GAREM2: variants seen among roughly 807,000 people sequenced by gnomAD.
GAREM2 encodes the protein GRB2 associated regulator of MAPK1 subtype 2.
GAREM2 carries 30 observed loss-of-function variants against 55.6 expected under a neutral mutation model. The observed-to-expected ratio is 0.54, with a 90% CI of 0.40 to 0.73. The LOEUF (loss-of-function observed/expected upper bound fraction) is 0.73. Ranked by LOEUF, GAREM2 falls within the 30% of genes least tolerant of loss-of-function variation. The pLI, the probability that GAREM2 is intolerant of heterozygous loss-of-function variation, is 0.00. For synonymous variants in GAREM2, 550 were observed against 569.1 expected (o/e 0.97, Z 0.48); for missense variants, 1,075 against 1,257.7 (o/e 0.85, Z 2.20).
chr2:26,197,254 A>G, the GAREM2 span, among the ~76,000 whole-genome samples: 2 of 152,182 alleles, frequency 1.3e-5, no homozygotes, highest in Admixed American at 1.3e-4. Context: ...CAGCCCTTTC[A>G]TGTCCCGGGG....
Position 26,184,938 on chromosome 2 carries a change from G to A in GAREM2, c.1090G>A (p.Ala364Thr). The change falls in exon 4 of 6, where the codon GCG (alanine) becomes ACG (threonine). Residue 364 changes from alanine to threonine, a missense_variant. Physicochemically the swap from Ala to Thr is moderately conservative, Grantham distance 58. Around this residue, in one of 6 missense-constraint regions of GAREM2, gnomAD observed 170 missense variants for 220.7 expected, o/e 0.77. Coordinates refer to ENST00000401533, the MANE Select transcript of GAREM2 (RefSeq NM_001168241.2). ...PDEYSTAVRE[A>T]PAELAEDCAS... is the part of the protein sequence containing the mutation. Reference sequence around the variant, plus strand: ...CGAGTACTCCACGGCCGTGCGCGAGGCGCCAGCGGAGCTCGCCGAAGACTG... The same window carrying A: ...CGAGTACTCCACGGCCGTGCGCGAGACGCCAGCGGAGCTCGCCGAAGACTG... 1 of 1,294,986 alleles carries A rather than the reference G, an allele frequency of 7.7e-7. No homozygotes were observed. The highest frequency in any genetic ancestry group is 9.8e-7 in the Non-Finnish European group (1 of 1,023,386). The allele number at this position is 1,294,986 out of a possible 1,614,324, so 80.2% of individuals were successfully genotyped here. A position where few individuals can be genotyped will look rare whatever the true frequency, so the allele number is the denominator to read the frequency against.
chr2:26,178,047 G>A (rs1259752129), intron 2 of GAREM2, among the ~76,000 whole-genome samples: 8 of 152,204 alleles, frequency 5.3e-5, no homozygotes, highest in Admixed American at 5.2e-4. Context: ...GTCTCCCTGA[G>A]CCAGGAGGAC....
Position 26,187,932 on chromosome 2 carries a change from C to T in GAREM2, c.2300C>T (p.Ala767Val), listed in dbSNP as rs549984945. Residue 767 changes from alanine to valine, a missense_variant, in exon 6 of 6, where the codon GCG becomes GTG. Transcript: ENST00000401533. ...LSPAALQGPE[A>V]GGALFLTQGR... ...CCAGCTGCTCTGCAGGGACCCGAGG[C>T]GGGAGGAGCACTTTTTCTAACCCAA... is the stretch of plus-strand genomic sequence containing the variant. 31 of 1,451,184 alleles carry T rather than the reference C, an allele frequency of 2.1e-5. No individual in the cohort carries two copies. The East Asian group carries it at 3.3e-4, about 16-fold the overall frequency. 89.9% of individuals were successfully genotyped at this position (1,451,184 alleles called of 1,614,324 possible). A position where few individuals can be genotyped will look rare whatever the true frequency, so the allele number is the denominator to read the frequency against.
chr2:26,192,485 T>C, downstream of GAREM2: 1 of 967,712 alleles, frequency 1.0e-6, no homozygotes, highest in East Asian at 2.4e-5. Context: ...TGTTACTATT[T>C]GTTCTCAGAA....
At position 26,187,345 on chromosome 2, in the gene GAREM2, C is replaced by T. The variant is rs1019972; in HGVS notation, c.1713C>T (p.Pro571=). 0.046 allele frequency: 71,527 copies of T among 1,542,236 alleles called. 1,921 individuals are homozygous for T. The highest frequency in any genetic ancestry group is 0.071 in the Middle Eastern group (425 of 5,954). Residue 571 remains proline, a synonymous_variant, in exon 6 of 6, where the codon CCC becomes CCT. Transcript: ENST00000401533. ...GCGAGTCCTCTAGCCGCCCAGCCCC[C>T]GGTCCCCTACCCTCAACCACACAGC... The part of the protein sequence containing the change: ...KVGESSSRPA[P]GPLPSTTQPS...
intron 1 of GAREM2, among the ~76,000 whole-genome samples, chr2:26,175,176 G>C (rs1473983332): frequency 6.6e-6 from 1 of 152,158 alleles, no homozygotes; most frequent in Non-Finnish European, 1.5e-5. Flanking sequence ...TTGATTGGCA[G>C]AAATTTTGTA....
rs1669178795 is a variant in GAREM2, at chr2:26,184,845, G to C, written c.997G>C (p.Gly333Arg). The change falls in exon 4 of 6, where the codon GGG (glycine) becomes CGG (arginine). Residue 333 changes from glycine to arginine, a missense_variant. Around this residue, in one of 6 missense-constraint regions of GAREM2, gnomAD observed 170 missense variants for 220.7 expected, o/e 0.77. Transcript: ENST00000401533. The stretch of plus-strand genomic sequence containing the variant: ...CGCGCTGCCGCAGGGCCTGCTGGCC[G>C]GGGACCCGCGCGTCGAGCGCCTGGT... Reference protein sequence around the residue: ...RFALPQGLLAGDPRVERLVRD... With the variant: ...RFALPQGLLARDPRVERLVRD... 6.8e-7 allele frequency: 1 copy of C among 1,474,274 alleles called. No homozygotes were observed. The highest frequency in any genetic ancestry group is 8.9e-7 in the Non-Finnish European group (1 of 1,121,490). 91.3% of individuals were successfully genotyped at this position (1,474,274 alleles called of 1,614,324 possible).
chr2:26,182,264 C>T (rs1669074450), intron 2 of GAREM2: 2 of 1,430,488 alleles, frequency 1.4e-6, no homozygotes, highest in Non-Finnish European at 1.8e-6. Context: ...CACGCAGCCC[C>T]AGACTGCAGG....
chr2:26,185,817 C>T (rs995781410), intron 4 of GAREM2, among the ~76,000 whole-genome samples: 1 of 152,186 alleles, frequency 6.6e-6, no homozygotes, highest in Non-Finnish European at 1.5e-5. Context: ...AGGTGGCAGA[C>T]GCTTCCTTCC....
chr2:26,184,915 A>T lies in GAREM2; in HGVS notation c.1067A>T (p.Glu356Val). ...TGCCGCGAGCGCTTCGACCCCGACG[A>T]GTACTCCACGGCCGTGCGCGAGGCG... is the stretch of plus-strand genomic sequence containing the variant. Reference protein sequence around the residue: ...SYCRERFDPDEYSTAVREAPA... With the variant: ...SYCRERFDPDVYSTAVREAPA... Residue 356 changes from glutamate (E) to valine (V), a missense_variant, in exon 4 of 6, where the codon GAG becomes GTG. Around this residue, in one of 6 missense-constraint regions of GAREM2, gnomAD observed 170 missense variants for 220.7 expected, o/e 0.77. Transcript: ENST00000401533. 7.0e-7 allele frequency: 1 copy of T among 1,438,674 alleles called. No individual in the cohort carries two copies. Among genetic ancestry groups the T allele is most frequent in the Non-Finnish European group, 9.0e-7 (1 of 1,105,514 alleles). The allele number at this position is 1,438,674 out of a possible 1,614,324, so 89.1% of individuals were successfully genotyped here. A position where few individuals can be genotyped will look rare whatever the true frequency, so the allele number is the denominator to read the frequency against.
At chr2:26,176,540 G>A in intron 2 of GAREM2, 56 bp downstream of exon 2, 2 of 1,411,430 alleles carry the variant, frequency 1.4e-6, no homozygotes, top group Non-Finnish European at 1.9e-6. Flanking sequence ...AGGCAGGAGG[G>A]ACTGGGGCCA....
chr2:26,176,086 C>T (rs911519014), intron 1 of GAREM2, among the ~76,000 whole-genome samples: 2 of 152,186 alleles, frequency 1.3e-5, no homozygotes, highest in South Asian at 2.1e-4. Flanking sequence ...GAGCCAGGGA[C>T]AGCAGGCATT....
the GAREM2 span, among the ~76,000 whole-genome samples, chr2:26,198,766 AG>A: frequency 6.6e-6 from 1 of 152,130 alleles, no homozygotes; most frequent in South Asian, 2.1e-4. Flanking sequence ...TCAAGAGTGG[AG>A]GGTGGGCATG....
chr2:26,186,471 C>A, intron 5 of GAREM2, 113 bp downstream of exon 5: 1 of 1,013,070 alleles, frequency 9.9e-7, no homozygotes, highest in Non-Finnish European at 1.5e-6. Flanking sequence ...CTGGGAGATT[C>A]CCGAGGGTGC....
downstream of GAREM2, chr2:26,191,493 A>T (rs1315188332): frequency 6.2e-7 from 1 of 1,614,156 alleles, no homozygotes; most frequent in East Asian, 2.2e-5. Flanking sequence ...CTCCCAGACA[A>T]GGCGGGAAGC....
chr2:26,188,098 GCT>G lies in GAREM2; in HGVS notation c.2470_2471del (p.Ser824ArgfsTer15). ...TCTCTCGCAGTCTGCGTTTCATCGG[GCT>G]CTCAGAGGATGTGGTGAGCTTCTTT... ...EVSRSLRFIG[L>X]SEDVVSFFAR... On this transcript the variant is annotated frameshift_variant, in exon 6 of 6. Coordinates refer to ENST00000401533, the MANE Select transcript of GAREM2 (RefSeq NM_001168241.2). LOFTEE classifies it high-confidence loss of function. 6.4e-7 allele frequency: 1 copy of G among 1,550,808 alleles called. No individual in the cohort carries two copies.
At chr2:26,187,096 T>A in intron 5 of GAREM2, 135 bp from the exon 6 acceptor site, 2 of 1,270,402 alleles carry the variant, frequency 1.6e-6, no homozygotes, top group Non-Finnish European at 2.0e-6. Flanking sequence ...TTCCGGAGGG[T>A]CTTGGGCTGG....
chr2:26,173,181 C>T lies in GAREM2; in HGVS notation c.-40C>T, dbSNP rs1399550793. 8 of 876,810 alleles carry T rather than the reference C, an allele frequency of 9.1e-6. No individual in the cohort carries two copies. Among genetic ancestry groups the T allele is most frequent in the East Asian group, 8.3e-5 (2 of 24,146 alleles). The allele number at this position is 876,810 out of a possible 1,614,324, so 54.3% of individuals were successfully genotyped here. A position where few individuals can be genotyped will look rare whatever the true frequency, so the allele number is the denominator to read the frequency against. Reference sequence around the variant, plus strand: ...AGAGCCTGGGCCGCGCGGGACTGACCGTCGGGGCCCCGGGACGGCGGCCCC... The same window carrying T: ...AGAGCCTGGGCCGCGCGGGACTGACTGTCGGGGCCCCGGGACGGCGGCCCC... On this transcript the variant is annotated 5_prime_UTR_variant, in exon 1 of 6. Coordinates refer to ENST00000401533, the MANE Select transcript of GAREM2 (RefSeq NM_001168241.2).
downstream of GAREM2, chr2:26,193,589 T>G (rs753595181): frequency 6.2e-7 from 1 of 1,613,368 alleles, no homozygotes; most frequent in Non-Finnish European, 8.5e-7. Flanking sequence ...AGGAAGCCCT[T>G]GGACACCATC....
Sources: allele counts gnomAD v4.1 joint callset (sites outside exome capture counted in the v4.1 genomes callset), GRCh38; gene constraint gnomAD v4.1.1; regional missense constraint gnomAD v4.1.1; transcripts MANE v1.5; gene names NCBI Gene and HGNC (gene_info 2026-07-23, HGNC 2026-07-21).